The following PPP2R3A variants were observed in gnomAD, a reference collection of about 807,000 sequenced individuals.
PPP2R3A encodes the protein serine/threonine-protein phosphatase 2A regulatory subunit B'' subunit alpha.
PPP2R3A carries 80 observed loss-of-function variants against 106.9 expected under a neutral mutation model. That is an observed-to-expected ratio of 0.75 (90% CI 0.62 to 0.90). The LOEUF (loss-of-function observed/expected upper bound fraction) is 0.90. PPP2R3A is among the 40% of genes least tolerant of loss of function. The pLI is 0.00. For missense variants in PPP2R3A, 1,386 were observed against 1,350.4 expected (o/e 1.03, Z -0.41); for synonymous variants, 483 against 468.3 (o/e 1.03, Z -0.41).
rs1278400897 is a variant in PPP2R3A at position 136,146,938 on chromosome 3, ACTAAT to A, written c.*1773_*1777del. On this transcript the variant is annotated 3_prime_UTR_variant, in exon 14 of 14. Coordinates refer to ENST00000264977, the MANE Select transcript of PPP2R3A (RefSeq NM_002718.5). ...TGTTTTATTATCCATAATGATCTAA[ACTAAT>A]AAGATTCACCAAAAAGTAAAAATTC... 6.6e-6 allele frequency: 1 copy of A among 152,124 alleles called. No individual in the cohort carries two copies. Among genetic ancestry groups the A allele is most frequent in the African/African-American group, 2.4e-5 (1 of 41,442 alleles). The allele number at this position is 152,124 out of a possible 1,614,324, so 9.4% of individuals were successfully genotyped here.
intron 2 of PPP2R3A, chr3:136,023,181 A>G: frequency 6.2e-7 from 1 of 1,613,028 alleles, no homozygotes; most frequent in Non-Finnish European, 8.5e-7. Context: ...GAAGCGGCTG[A>G]AGTCATTTCA....
Position 136,082,329 on chromosome 3 carries a change from A to G in PPP2R3A, c.2696A>G (p.His899Arg). The G allele has an allele frequency of 6.2e-7, 1 of 1,606,686 alleles. No individual in the cohort carries two copies. The highest frequency in any genetic ancestry group is 8.5e-7 in the Non-Finnish European group (1 of 1,173,314). The change falls in exon 8 of 14, where the codon CAT (histidine) becomes CGT (arginine). Residue 899 changes from histidine (H) to arginine (R), a missense_variant. His to Arg is a conservative substitution (Grantham distance 29). Coordinates refer to ENST00000264977, the MANE Select transcript of PPP2R3A (RefSeq NM_002718.5). ...NQITDYFSYE[H>R]FYVIYCKFWE... ...ATTACAGATTACTTCTCCTATGAAC[A>G]TTTCTATGTTATTTATTGTAAATTC...
rs1407829975 is a variant in PPP2R3A at position 136,002,044 on chromosome 3, T to G, written c.546T>G (p.Val182=). ...TTGGTTTACTGCGGAGTTCCTCAGT[T>G]GAGGAAAAACCTTTGTCTCATAGAA... ...PSFGLLRSSS[V]EEKPLSHRNS... The change falls in exon 2 of 14, where the codon GTT becomes GTG. Residue 182 remains valine, a synonymous_variant. Transcript: ENST00000264977. 14 of 1,613,744 alleles carry G rather than the reference T, an allele frequency of 8.7e-6. No homozygotes were observed. Among genetic ancestry groups the G allele is most frequent in the South Asian group, 2.2e-5 (2 of 90,986 alleles).
intron 5 of PPP2R3A, 66 bp from the exon 6 acceptor site, chr3:136,070,412 G>C (rs1035148256): frequency 2.2e-6 from 3 of 1,357,466 alleles, no homozygotes; most frequent in Admixed American, 2.4e-5. Context: ...ATACAGGAAG[G>C]AAAAACTTCC....
At chr3:136,044,570 CAA>C (rs1247139572) in intron 4 of PPP2R3A, among the ~76,000 whole-genome samples, 5 of 76,090 alleles carry the variant, frequency 6.6e-5, no homozygotes, top group Admixed American at 3.0e-4. Context: ...GACCCTGTCT[CAA>C]AAAAAAAAAA....
chr3:136,001,888 A>C lies in PPP2R3A; in HGVS notation c.390A>C (p.Glu130Asp). Residue 130 changes from glutamate (E) to aspartate (D), a missense_variant, in exon 2 of 14, where the codon GAA becomes GAC. By Grantham distance (45) the Glu-to-Asp change is conservative (BLOSUM62 2). Transcript: ENST00000264977. ...GGAAAATAAAAGAATTTTCCTTTGA[A>C]AAACTCAAAAACTCTAACCATGCAG... ...ASGKIKEFSF[E>D]KLKNSNHAAY... 1 of 1,614,168 alleles carries C rather than the reference A, an allele frequency of 6.2e-7. No individual in the cohort carries two copies. The highest frequency in any genetic ancestry group is 1.1e-5 in the South Asian group (1 of 91,086).
chr3:136,088,513 T>C (rs1482718353), intron 9 of PPP2R3A, among the ~76,000 whole-genome samples: 1 of 152,202 alleles, frequency 6.6e-6, no homozygotes, highest in Non-Finnish European at 1.5e-5. Flanking sequence ...GGCATCTAGG[T>C]TGATTCCATG....
At chr3:135,993,492 T>C (rs1576418032) in intron 1 of PPP2R3A, among the ~76,000 whole-genome samples, 1 of 152,198 alleles carries the variant, frequency 6.6e-6, no homozygotes, top group African/African-American at 2.4e-5. Context: ...TGCAGGTTCT[T>C]ATAAAGTTAA....
At chr3:135,973,337 T>C (rs964766679) in intron 1 of PPP2R3A, among the ~76,000 whole-genome samples, 2 of 152,174 alleles carry the variant, frequency 1.3e-5, no homozygotes, top group African/African-American at 4.8e-5. Context: ...TACTCATGAT[T>C]ATTATTGGCA....
At chr3:136,099,984 G>A (rs1476458322) in intron 10 of PPP2R3A, among the ~76,000 whole-genome samples, 1 of 150,900 alleles carries the variant, frequency 6.6e-6, no homozygotes, top group Non-Finnish European at 1.5e-5. Flanking sequence ...TTCAAGGACT[G>A]AAGGATTCAG....
intron 13 of PPP2R3A, among the ~76,000 whole-genome samples, chr3:136,127,003 T>C (rs1173651553): frequency 6.6e-6 from 1 of 151,984 alleles, no homozygotes; most frequent in African/African-American, 2.4e-5. Flanking sequence ...CAAAACCCCA[T>C]CTGTAGGTCA....
Position 136,001,418 on chromosome 3 carries a change from C to A in PPP2R3A, c.-81C>A. The A allele has an allele frequency of 1.7e-6, 2 of 1,154,820 alleles. No individual in the cohort carries two copies. The highest frequency in any genetic ancestry group is 2.5e-6 in the Non-Finnish European group (2 of 800,218). The allele number at this position is 1,154,820 out of a possible 1,614,324, so 71.5% of individuals were successfully genotyped here. On this transcript the variant is annotated 5_prime_UTR_variant, in exon 2 of 14. Transcript: ENST00000264977. Reference sequence around the variant, plus strand: ...TGAACATTGTTATTAAATATATTTTCAGCTAACTGTCATTTAGGAGAATTT... The same window carrying A: ...TGAACATTGTTATTAAATATATTTTAAGCTAACTGTCATTTAGGAGAATTT...
intron 5 of PPP2R3A, among the ~76,000 whole-genome samples, chr3:136,069,590 T>C (rs1465985586): frequency 6.6e-6 from 1 of 152,022 alleles, no homozygotes; most frequent in Non-Finnish European, 1.5e-5. Context: ...AAAATAAAAA[T>C]TATGTAATAT....
At chr3:135,987,192 AGTTAGTATGCAACAGTTTGAT>A (rs1288336381) in intron 1 of PPP2R3A, among the ~76,000 whole-genome samples, 1 of 152,168 alleles carries the variant, frequency 6.6e-6, no homozygotes, top group African/African-American at 2.4e-5. Context: ...TATACTAACA[AGTTAGTATGCAACAGTTTGAT>A]GTATAATGGT....
intron 1 of PPP2R3A, among the ~76,000 whole-genome samples, chr3:136,000,243 G>T (rs1933569499): frequency 6.6e-6 from 1 of 152,064 alleles, no homozygotes; most frequent in Admixed American, 6.5e-5. Context: ...CTTGTATGTT[G>T]GGTTTTTTCC....
chr3:135,999,672 A>G (rs1254839560), intron 1 of PPP2R3A, among the ~76,000 whole-genome samples: 3 of 152,122 alleles, frequency 2.0e-5, no homozygotes, highest in Non-Finnish European at 4.4e-5. Context: ...TCAAAGACCT[A>G]AATTTGTGAT....
At chr3:136,008,601 A>G (rs916083845) in intron 2 of PPP2R3A, among the ~76,000 whole-genome samples, 1 of 152,200 alleles carries the variant, frequency 6.6e-6, no homozygotes, top group Non-Finnish European at 1.5e-5. Context: ...GGGTCAAGAT[A>G]AAGTTAAAAA....
chr3:136,114,495 G>A (rs1333532392), intron 13 of PPP2R3A, among the ~76,000 whole-genome samples: 1 of 152,162 alleles, frequency 6.6e-6, no homozygotes, highest in African/African-American at 2.4e-5. Context: ...GGCTCAGTGG[G>A]TCCCACCCCC....
In PPP2R3A at chr3:136,128,484, A is replaced by G. The variant is rs574665388; in HGVS notation, c.3330-16559A>G. Among the ~76,000 whole-genome samples, 29 of 152,306 alleles carry G rather than the reference A, an allele frequency of 1.9e-4. No homozygotes were observed. In the South Asian group the frequency reaches 2.9e-3, roughly 15 times the overall value. On this transcript the variant is annotated intron_variant, in intron 13 of 13. Coordinates refer to ENST00000264977, the MANE Select transcript of PPP2R3A (RefSeq NM_002718.5). ...GAAGAGCTAACTATCCTAAATATATATGCACCCAATACAGGAGCACCCAGA... is the reference window on the plus strand; with the variant it reads ...GAAGAGCTAACTATCCTAAATATATGTGCACCCAATACAGGAGCACCCAGA...
Sources: allele counts gnomAD v4.1 joint callset (sites outside exome capture counted in the v4.1 genomes callset), GRCh38; gene constraint gnomAD v4.1.1; transcripts MANE v1.5; gene names NCBI Gene and HGNC (gene_info 2026-07-23, HGNC 2026-07-21).